The following SAMD3 variants were observed in gnomAD, a reference collection of about 807,000 sequenced individuals.
The protein encoded by SAMD3 is sterile alpha motif domain containing 3.
Under a neutral mutation model 58.5 loss-of-function variants are expected in SAMD3, and 63 were observed. The observed-to-expected ratio is 1.08, with a 90% confidence interval of 0.88 to 1.33. The LOEUF (loss-of-function observed/expected upper bound fraction) is 1.33, where lower values mean the gene tolerates loss of function less well. SAMD3 is among the 40% of genes most tolerant of loss of function. The probability of loss-of-function intolerance (pLI) is 0.00; values close to 1 mark genes in which losing one functional copy is unlikely to be tolerated. For missense variants in SAMD3, 604 were observed against 608.4 expected, an observed-to-expected ratio of 0.99 and a Z score of 0.08; for synonymous variants, 220 against 210.3, an observed-to-expected ratio of 1.05 and a Z score of -0.40.
intron 1 of SAMD3, among the ~76,000 whole-genome samples, chr6:130,326,952 A>G (rs1776779941): frequency 6.6e-6 from 1 of 152,230 alleles, no homozygotes; most frequent in Non-Finnish European, 1.5e-5. Context: ...AATTTATTTC[A>G]GGTTTTTAAT....
intron 9 of SAMD3, among the ~76,000 whole-genome samples, chr6:130,147,987 T>C (rs1788788988): frequency 1.3e-5 from 2 of 152,226 alleles, no homozygotes; most frequent in East Asian, 1.9e-4. Flanking sequence ...ATAATTTTTA[T>C]TACTTGATTA....
chr6:130,217,252 G>A (rs1164618369), intron 1 of SAMD3, among the ~76,000 whole-genome samples: 1 of 151,864 alleles, frequency 6.6e-6, no homozygotes, highest in Admixed American at 6.6e-5. Flanking sequence ...CATAAATAAT[G>A]GATATATTAT....
At chr6:130,151,009 G>C (rs539942210) in intron 9 of SAMD3, among the ~76,000 whole-genome samples, 1 of 152,286 alleles carries the variant, frequency 6.6e-6, no homozygotes, top group African/African-American at 2.4e-5. Flanking sequence ...ACCACACCTA[G>C]CCTGAATTCT....
At chr6:130,294,766 A>G (rs1775499035) in intron 2 of SAMD3, among the ~76,000 whole-genome samples, 1 of 151,916 alleles carries the variant, frequency 6.6e-6, no homozygotes, top group Non-Finnish European at 1.5e-5. Flanking sequence ...CTCCAGGGTC[A>G]GTTTGCCCTT....
chr6:130,308,409 TA>T (rs781657493), intron 2 of SAMD3, among the ~76,000 whole-genome samples: 613 of 125,954 alleles, frequency 4.9e-3, no homozygotes, highest in African/African-American at 0.015. Context: ...TATTCTATTC[TA>T]TTCTATTCTA....
Position 130,236,384 on chromosome 6 carries a change from C to CTTT in SAMD3, c.-187-13574_-187-13572dup, listed in dbSNP as rs777968481. ...AAGAAGAAAGCAAGAAAATGATTGA[C>CTTT]TTTTTTTTTTTTTTTCCGAGATGGA... On this transcript the variant is annotated intron_variant, in intron 2 of 13. Coordinates refer to the SAMD3 transcript ENST00000368134. Among the ~76,000 whole-genome samples the CTTT allele has an allele frequency of 1.6e-3, 217 of 139,806 alleles. 2 individuals are homozygous for CTTT. Among genetic ancestry groups the CTTT allele is most frequent in the African/African-American group, 4.5e-3 (173 of 38,172 alleles). The allele number at this position is 139,806 out of a possible 152,430, so 91.7% of individuals were successfully genotyped here. A position where few individuals can be genotyped will look rare whatever the true frequency, so the allele number is the denominator to read the frequency against.
intron 7 of SAMD3, among the ~76,000 whole-genome samples, chr6:130,179,926 T>G (rs1792122499): frequency 6.7e-6 from 1 of 149,850 alleles, no homozygotes; most frequent in South Asian, 2.1e-4. Flanking sequence ...GCGATTCTCC[T>G]GCCTCAGCCT....
At position 130,236,222 on chromosome 6, in the gene SAMD3, G is replaced by A. The variant is rs952585331; in HGVS notation, c.-187-13409C>T. Among the ~76,000 whole-genome samples, 69 of 152,200 alleles carry A rather than the reference G, an allele frequency of 4.5e-4. 1 individual carries two copies. The highest frequency in any genetic ancestry group is 1.6e-3 in the African/African-American group (67 of 41,528). The stretch of plus-strand genomic sequence containing the variant: ...TTAAAAGTAGTTTTGTGGAAGTTTT[G>A]ATTAAATACGGTGGATTACACATGT... On this transcript the variant is annotated intron_variant, in intron 2 of 13. Coordinates refer to the SAMD3 transcript ENST00000368134.
chr6:130,336,597 TG>T (rs1777108053), intron 1 of SAMD3, among the ~76,000 whole-genome samples: 1 of 152,212 alleles, frequency 6.6e-6, no homozygotes, highest in Non-Finnish European at 1.5e-5. Context: ...CCTGTTCATA[TG>T]AGTAATGGCA....
intron 8 of SAMD3, among the ~76,000 whole-genome samples, chr6:130,158,872 T>C (rs1170433045): frequency 6.6e-6 from 1 of 152,150 alleles, no homozygotes; most frequent in Non-Finnish European, 1.5e-5. Flanking sequence ...ACCAGTCTGA[T>C]TGGTTGTGGA....
At chr6:130,186,108 T>C (rs1238990225) in intron 5 of SAMD3, among the ~76,000 whole-genome samples, 2 of 152,078 alleles carry the variant, frequency 1.3e-5, no homozygotes, top group African/African-American at 4.8e-5. Context: ...TCAAAGGCAC[T>C]AGGTAGCTCT....
intron 9 of SAMD3, among the ~76,000 whole-genome samples, chr6:130,151,573 C>G (rs1378753254): frequency 6.6e-6 from 1 of 152,122 alleles, no homozygotes; most frequent in Admixed American, 6.5e-5. Context: ...TCCTTAGTAG[C>G]TGGGATTACA....
chr6:130,235,044 G>C (rs925231560), intron 2 of SAMD3, among the ~76,000 whole-genome samples: 11 of 152,152 alleles, frequency 7.2e-5, no homozygotes, highest in Non-Finnish European at 1.2e-4. Context: ...CAGCTTGGGA[G>C]GTCAAGGCTG....
rs116674185 is a variant in SAMD3 at position 130,294,040 on chromosome 6, T to C, written c.-188+18938A>G. On this transcript the variant is annotated intron_variant, in intron 2 of 13. Transcript: ENST00000368134. ...GATTTAAGTGATTGCCTCTCCTCTG[T>C]AAAGGACAGAGATTTCACCCCCAAG... Among the ~76,000 whole-genome samples, 1,177 of 152,246 alleles carry C rather than the reference T, an allele frequency of 7.7e-3. 15 individuals are homozygous for C. The highest frequency in any genetic ancestry group is 0.023 in the African/African-American group (955 of 41,536).
intron 2 of SAMD3, among the ~76,000 whole-genome samples, chr6:130,266,059 A>G (rs541494164): frequency 4.6e-4 from 70 of 152,298 alleles, no homozygotes; most frequent in African/African-American, 1.7e-3. Flanking sequence ...AGAACTAGTA[A>G]TAACCAACCC....
intron 1 of SAMD3, among the ~76,000 whole-genome samples, chr6:130,357,433 T>C (rs1463441331): frequency 1.3e-5 from 2 of 152,226 alleles, no homozygotes; most frequent in African/African-American, 4.8e-5. Flanking sequence ...CGGCATCTTT[T>C]AATTTCAGTT....
At chr6:130,207,956 G>T (rs759825497) in intron 5 of SAMD3, among the ~76,000 whole-genome samples, 35 of 152,234 alleles carry the variant, frequency 2.3e-4, no homozygotes, top group Non-Finnish European at 3.8e-4. Flanking sequence ...CTGGGGCCTT[G>T]CAGGCCTGAA....
intron 5 of SAMD3, among the ~76,000 whole-genome samples, chr6:130,199,569 T>C (rs1380627278): frequency 6.6e-6 from 1 of 152,180 alleles, no homozygotes; most frequent in African/African-American, 2.4e-5. Context: ...GAATCAGAAA[T>C]TCTGCTTCTG....
chr6:130,284,261 A>G (rs1775083033), intron 2 of SAMD3, among the ~76,000 whole-genome samples: 1 of 152,234 alleles, frequency 6.6e-6, no homozygotes, highest in Admixed American at 6.5e-5. Context: ...TAAGAAGATG[A>G]GTAATTTTTA....
Sources: allele counts gnomAD v4.1 joint callset (sites outside exome capture counted in the v4.1 genomes callset), GRCh38; gene constraint gnomAD v4.1.1; transcripts MANE v1.5; gene names NCBI Gene and HGNC (gene_info 2026-07-23, HGNC 2026-07-21).